Variants in SCAPER observed in about 807,000 individuals in gnomAD.
SCAPER encodes the protein S-phase cyclin A associated protein in the ER.
In SCAPER, 98 loss-of-function variants were observed where a neutral mutation model predicts 182.2. The observed-to-expected ratio is 0.54, with a 90% CI of 0.46 to 0.64. SCAPER has a LOEUF of 0.64. Among genes scored for constraint, SCAPER ranks in the 30% least tolerant of loss-of-function variants. SCAPER has a pLI of 0.00. For missense variants in SCAPER, 1,432 were observed against 1,690.0 expected (o/e 0.85, Z 2.68); for synonymous variants, 605 against 564.6 (o/e 1.07, Z -1.01).
intron 23 of SCAPER, among the ~76,000 whole-genome samples, chr15:76,507,736 G>A (rs940546682): frequency 2.0e-5 from 3 of 152,094 alleles, no homozygotes; most frequent in Non-Finnish European, 4.4e-5. Flanking sequence ...CATTGTGAAA[G>A]CTAGACGACT....
chr15:76,699,153 G>A (rs1447735687), intron 20 of SCAPER, among the ~76,000 whole-genome samples: 1 of 152,100 alleles, frequency 6.6e-6, no homozygotes, highest in Non-Finnish European at 1.5e-5. Context: ...ATCAGATCTA[G>A]GAGCTCTGGA....
intron 15 of SCAPER, among the ~76,000 whole-genome samples, chr15:76,748,824 A>G (rs1282799597): frequency 1.3e-5 from 2 of 152,004 alleles, no homozygotes; most frequent in African/African-American, 4.8e-5. Context: ...GAAACAGATA[A>G]TAGGAATAGC....
At chr15:76,768,333 T>C (rs115170563) in intron 10 of SCAPER, among the ~76,000 whole-genome samples, 1 of 152,322 alleles carries the variant, frequency 6.6e-6, no homozygotes, top group African/African-American at 2.4e-5. Flanking sequence ...AAATGTGGTA[T>C]ATTCATTCAT....
chr15:76,896,635 G>A (rs544780164), intron 1 of SCAPER, among the ~76,000 whole-genome samples: 1 of 152,014 alleles, frequency 6.6e-6, no homozygotes, highest in East Asian at 1.9e-4. Flanking sequence ...CCTAGACCTG[G>A]CACAGTGGTT....
At chr15:76,874,698 T>C (rs1479357552) in intron 2 of SCAPER, among the ~76,000 whole-genome samples, 1 of 152,226 alleles carries the variant, frequency 6.6e-6, no homozygotes, top group Non-Finnish European at 1.5e-5. Context: ...GGCTCACACC[T>C]GTAATCCCAG....
chr15:76,636,649 C>T (rs1421862056), intron 21 of SCAPER, among the ~76,000 whole-genome samples: 5 of 152,134 alleles, frequency 3.3e-5, no homozygotes, highest in African/African-American at 1.2e-4. Flanking sequence ...ACCAGGAATA[C>T]AGGCTGTTGT....
intron 27 of SCAPER, among the ~76,000 whole-genome samples, chr15:76,382,454 C>G (rs1273299025): frequency 6.7e-6 from 1 of 150,340 alleles, no homozygotes; most frequent in Admixed American, 6.6e-5. Flanking sequence ...CCCACTGACT[C>G]TGGGATTAAG....
intron 2 of SCAPER, among the ~76,000 whole-genome samples, chr15:76,878,730 C>A (rs530162088): frequency 2.0e-5 from 3 of 151,868 alleles, no homozygotes; most frequent in South Asian, 4.2e-4. Context: ...GAGTTTGAGA[C>A]CAGCCTGGGC....
At position 76,795,454 on chromosome 15, in the gene SCAPER, T is replaced by A; in HGVS notation, c.612-14A>T. 6.7e-7 allele frequency: 1 copy of A among 1,495,594 alleles called. No individual in the cohort carries two copies. Among genetic ancestry groups the A allele is most frequent in the Non-Finnish European group, 8.9e-7 (1 of 1,124,440 alleles). The allele number at this position is 1,495,594 out of a possible 1,614,324, so 92.6% of individuals were successfully genotyped here. ...CCAGTTGAACCTCTATGGAGAAAAA[T>A]AAACACATTTAATAAATTAAATATA... On this transcript the variant is annotated splice_polypyrimidine_tract_variant and intron_variant, in intron 7 of 31. Transcript: ENST00000563290.
At chr15:76,587,945 A>G (rs2048800554) in intron 22 of SCAPER, among the ~76,000 whole-genome samples, 2 of 150,254 alleles carry the variant, frequency 1.3e-5, no homozygotes. Context: ...TTTTTAAGAC[A>G]GAGTCTTGCT....
intron 17 of SCAPER, among the ~76,000 whole-genome samples, chr15:76,722,643 G>A (rs1349293112): frequency 5.3e-5 from 8 of 152,048 alleles, no homozygotes; most frequent in Non-Finnish European, 1.2e-4. Context: ...ACTTCTTCCT[G>A]GTTAAGTCTT....
intron 24 of SCAPER, among the ~76,000 whole-genome samples, chr15:76,495,991 G>GACAC (rs1393549578): frequency 0.021 from 2,134 of 100,928 alleles, 58 homozygotes; most frequent in African/African-American, 0.04. Flanking sequence ...GCAAAAGAGA[G>GACAC]AGACACACAC....
chr15:76,376,078 C>T, intron 29 of SCAPER, 84 bp downstream of exon 29: 1 of 1,548,792 alleles, frequency 6.5e-7, no homozygotes. Flanking sequence ...GGGTTCCAGC[C>T]CGCTAGCCTG....
intron 15 of SCAPER, among the ~76,000 whole-genome samples, chr15:76,737,410 G>A (rs2061330181): frequency 6.6e-6 from 1 of 152,144 alleles, no homozygotes; most frequent in Non-Finnish European, 1.5e-5. Flanking sequence ...TCTCAACAGT[G>A]GATTTAAAAT....
intron 20 of SCAPER, among the ~76,000 whole-genome samples, chr15:76,674,114 A>G (rs2057219778): frequency 6.6e-6 from 1 of 152,188 alleles, no homozygotes. Context: ...GCCAAATAGT[A>G]GATGAGGGAA....
intron 8 of SCAPER, among the ~76,000 whole-genome samples, chr15:76,781,652 A>T (rs1357870011): frequency 1.3e-5 from 2 of 152,232 alleles, no homozygotes; most frequent in Non-Finnish European, 2.9e-5. Context: ...AGGTAGGGTT[A>T]CCCACAAAGG....
intron 29 of SCAPER, among the ~76,000 whole-genome samples, chr15:76,369,916 G>A (rs896795573): frequency 4.6e-5 from 7 of 152,180 alleles, no homozygotes; most frequent in Non-Finnish European, 7.4e-5. Context: ...GGCTGAAGAT[G>A]GCATCACAGA....
chr15:76,428,074 T>C (rs2046566427), intron 26 of SCAPER, among the ~76,000 whole-genome samples: 1 of 152,102 alleles, frequency 6.6e-6, no homozygotes, highest in Non-Finnish European at 1.5e-5. Context: ...CACTCCAGCC[T>C]GGGCAACAGT....
chr15:76,714,941 C>A (rs994480443), intron 17 of SCAPER, among the ~76,000 whole-genome samples: 1 of 151,874 alleles, frequency 6.6e-6, no homozygotes, highest in African/African-American at 2.4e-5. Flanking sequence ...AGAATTATTT[C>A]CATATTAAAA....
Sources: gnomAD v4.1 joint callset for allele counts (sites outside exome capture counted in the v4.1 genomes callset) on GRCh38, gnomAD v4.1.1 for gene constraint, MANE v1.5 for transcripts, NCBI Gene and HGNC (gene_info 2026-07-23, HGNC 2026-07-21) for gene names.